WNK1: variants seen among roughly 807,000 people sequenced by gnomAD.
The protein encoded by WNK1 is WNK lysine deficient protein kinase 1, also known as serine/threonine-protein kinase WNK1.
WNK1 carries 38 observed loss-of-function variants against 222.8 expected under a neutral mutation model. That is an observed-to-expected ratio of 0.17 (90% confidence interval 0.13 to 0.22). The LOEUF is 0.22. Ranked by LOEUF, WNK1 falls within the 10% of genes least tolerant of loss-of-function variation. The probability of loss-of-function intolerance (pLI) is 1.00; values close to 1 mark genes in which losing one functional copy is unlikely to be tolerated. For missense variants in WNK1, 2,348 were observed against 2,918.4 expected (o/e 0.80, Z 4.50); for synonymous variants, 1,090 against 1,092.9 (o/e 1.00, Z 0.05).
chr12:852,649 C>T (rs936132581), intron 4 of WNK1, among the ~76,000 whole-genome samples: 1 of 152,052 alleles, frequency 6.6e-6, no homozygotes, highest in African/African-American at 2.4e-5. Flanking sequence ...ATGAAAACAT[C>T]TTGTTATCAT....
intron 1 of WNK1, among the ~76,000 whole-genome samples, chr12:782,771 T>C (rs1943848180): frequency 6.6e-6 from 1 of 152,034 alleles, no homozygotes; most frequent in Non-Finnish European, 1.5e-5. Context: ...CCCAAAGTGC[T>C]GGGATTACAG....
At chr12:867,999 A>C in intron 8 of WNK1, 1 of 1,613,854 alleles carries the variant, frequency 6.2e-7, no homozygotes, top group South Asian at 1.1e-5. Flanking sequence ...GCCATTTCCC[A>C]GCGGCGTAAG....
chr12:896,077 G>T lies in WNK1; in HGVS notation c.5590G>T (p.Val1864Phe), dbSNP rs765566878. 5 of 1,614,178 alleles carry T rather than the reference G, an allele frequency of 3.1e-6. No individual in the cohort carries two copies. Among genetic ancestry groups the T allele is most frequent in the Non-Finnish European group, 4.2e-6 (5 of 1,180,040 alleles). Reference sequence around the variant, plus strand: ...CTTTGTCCTTTTTTATCAGGTTTCTGTTGCAGCAGACGGTGCCCAGAAAGA... The same window carrying T: ...CTTTGTCCTTTTTTATCAGGTTTCTTTTGCAGCAGACGGTGCCCAGAAAGA... Reference protein sequence around the residue: ...VFKMGRFQVSVAADGAQKEGK... With the variant: ...VFKMGRFQVSFAADGAQKEGK... Residue 1864 changes from valine (V) to phenylalanine (F), a missense_variant, in exon 24 of 28, where the codon GTT becomes TTT. By Grantham distance (50) the Val-to-Phe change is conservative. Coordinates refer to ENST00000315939, the MANE Select transcript of WNK1 (RefSeq NM_018979.4).
At chr12:903,941 G>GTGGGAT (rs1555161999) in intron 26 of WNK1, among the ~76,000 whole-genome samples, 3 of 152,192 alleles carry the variant, frequency 2.0e-5, no homozygotes, top group Admixed American at 2.0e-4. Flanking sequence ...GAAGGGGTTA[G>GTGGGAT]TATATATATG....
At chr12:795,651 C>T (rs566887677) in intron 1 of WNK1, among the ~76,000 whole-genome samples, 59 of 123,144 alleles carry the variant, frequency 4.8e-4, no homozygotes, top group Middle Eastern at 3.9e-3. Context: ...ATGTCTTTAT[C>T]AGCAGCATGA....
chr12:873,182 T>C (rs940518872), intron 9 of WNK1, among the ~76,000 whole-genome samples: 2 of 152,270 alleles, frequency 1.3e-5, no homozygotes, highest in African/African-American at 2.4e-5. Flanking sequence ...GCAAATTGTA[T>C]GTGCTCTGTT....
chr12:859,057 A>G, intron 5 of WNK1, among the ~76,000 whole-genome samples, 188 bp from the exon 6 acceptor site: 1 of 152,346 alleles, frequency 6.6e-6, no homozygotes, highest in South Asian at 2.1e-4. Flanking sequence ...ATGATGTTTT[A>G]TAACTTCAGA....
chr12:899,264 A>C (rs1440296536), intron 25 of WNK1, among the ~76,000 whole-genome samples: 3 of 152,018 alleles, frequency 2.0e-5, no homozygotes, highest in Non-Finnish European at 4.4e-5. Context: ...ATTGTAAGAG[A>C]AATCAGCTAA....
rs2154105136 is a variant in WNK1 at position 909,562 on chromosome 12, TTTAC to T, written c.*774_*777del. The T allele has an allele frequency of 6.6e-6, 1 of 152,362 alleles. No homozygotes were observed. Among genetic ancestry groups the T allele is most frequent in the African/African-American group, 2.4e-5 (1 of 41,582 alleles). The allele number at this position is 152,362 out of a possible 1,614,324, so 9.4% of individuals were successfully genotyped here. On this transcript the variant is annotated 3_prime_UTR_variant, in exon 28 of 28. Transcript: ENST00000315939. ...GTTCCAAAAAAAGCTAGCTCTGTCC[TTTAC>T]TTATTGAGACACTTTAACTTTTTCC...
At chr12:859,583 T>G (rs913312656) in intron 6 of WNK1, 119 bp downstream of exon 6, 1 of 721,370 alleles carries the variant, frequency 1.4e-6, no homozygotes, top group South Asian at 1.9e-5. Context: ...CATAAAATTG[T>G]GATGGCCCTA....
chr12:814,127 G>A (rs572418029), intron 2 of WNK1, among the ~76,000 whole-genome samples: 278 of 150,994 alleles, frequency 1.8e-3, no homozygotes, highest in African/African-American at 6.5e-3. Context: ...TCAGGAGTTC[G>A]AGACCAGCCT....
chr12:895,737 G>A (rs1290359477), intron 23 of WNK1, among the ~76,000 whole-genome samples: 1 of 152,212 alleles, frequency 6.6e-6, no homozygotes, highest in African/African-American at 2.4e-5. Flanking sequence ...GGGCTTACAG[G>A]CATGAGCCAC....
intron 4 of WNK1, chr12:851,670 A>C: frequency 7.6e-7 from 1 of 1,311,082 alleles, no homozygotes; most frequent in Non-Finnish European, 1.0e-6. Flanking sequence ...TCCTCCAATA[A>C]GAAATCTGTT....
rs1954717530 is a variant in WNK1, at chr12:896,157, A to C, written c.5670A>C (p.Ser1890=). The change falls in exon 24 of 28, where the codon TCA becomes TCC. Residue 1890 remains serine, a synonymous_variant. Coordinates refer to ENST00000315939, the MANE Select transcript of WNK1 (RefSeq NM_018979.4). The part of the protein sequence containing the change: ...AKSVHFESST[S]ESSVLSSSSP... ...CTGTTCATTTTGAATCCAGCACCTC[A>C]GAGTCCTCAGTGCTATCAAGTAGTA... 6.2e-6 allele frequency: 10 copies of C among 1,614,100 alleles called. No individual in the cohort carries two copies. Among genetic ancestry groups the C allele is most frequent in the Non-Finnish European group, 7.6e-6 (9 of 1,180,038 alleles).
chr12:891,848 A>G lies in WNK1; in HGVS notation c.5509+1335A>G, dbSNP rs570453911. Among the ~76,000 whole-genome samples the G allele has an allele frequency of 2.0e-5, 3 of 151,778 alleles. No individual in the cohort carries two copies. The South Asian group carries it at 6.2e-4, about 32-fold the overall frequency. On this transcript the variant is annotated intron_variant, in intron 22 of 27. Transcript: ENST00000315939. ...GGGAGGCTGAGACGAGGATTGCCTGAGCCCAGGAGTTCCAGGCTACAGTGA... is the reference window on the plus strand; with the variant it reads ...GGGAGGCTGAGACGAGGATTGCCTGGGCCCAGGAGTTCCAGGCTACAGTGA...
intron 2 of WNK1, 117 bp from the exon 3 acceptor site, chr12:826,924 AT>A: frequency 1.3e-6 from 1 of 774,980 alleles, no homozygotes; most frequent in African/African-American, 1.7e-5. Flanking sequence ...GTGTTACTGA[AT>A]CTTAGTATGC....
chr12:757,257 A>AT (rs534187062), intron 1 of WNK1, among the ~76,000 whole-genome samples: 177 of 147,548 alleles, frequency 1.2e-3, no homozygotes, highest in African/African-American at 4.4e-3. Context: ...TGTCATGCTA[A>AT]TTTTTTTAGA....
rs975168179 is a variant in WNK1 at position 795,895 on chromosome 12, T to C, written c.760-17747T>C. ...CTTAACAAGTATCTTCTTTTCTCCT[T>C]CTTCTTTTTGAGACAGAGTCACACT... On this transcript the variant is annotated intron_variant, in intron 1 of 27. Coordinates refer to ENST00000315939, the MANE Select transcript of WNK1 (RefSeq NM_018979.4). Among the ~76,000 whole-genome samples, 6 of 151,012 alleles carry C rather than the reference T, an allele frequency of 4.0e-5. 1 individual carries two copies. The highest frequency in any genetic ancestry group is 3.9e-4 in the Admixed American group (6 of 15,244).
At position 827,030 on chromosome 12, in the gene WNK1, T is replaced by C; in HGVS notation, c.933-12T>C. 1 of 1,609,876 alleles carries C rather than the reference T, an allele frequency of 6.2e-7. No homozygotes were observed. Among genetic ancestry groups the C allele is most frequent in the Non-Finnish European group, 8.5e-7 (1 of 1,177,508 alleles). The stretch of plus-strand genomic sequence containing the variant: ...CATTGATAACTTGTTTGGTATACTT[T>C]GCTTTTTCTAGGTATCTGAAAAGGT... On this transcript the variant is annotated splice_polypyrimidine_tract_variant and intron_variant, in intron 2 of 27. Coordinates refer to ENST00000315939, the MANE Select transcript of WNK1 (RefSeq NM_018979.4). The surrounding 1 kb of genome is among the most constrained non-coding windows in gnomAD (Gnocchi z 4.6).
Sources: gnomAD v4.1 joint callset for allele counts (sites outside exome capture counted in the v4.1 genomes callset) on GRCh38, gnomAD v4.1.1 for gene constraint, Gnocchi (gnomAD v3.1) non-coding constraint, MANE v1.5 for transcripts, NCBI Gene and HGNC (gene_info 2026-07-23, HGNC 2026-07-21) for gene names.